HAS3: variants seen among roughly 807,000 people sequenced by gnomAD.
The protein encoded by HAS3 is hyaluronan synthase 3.
Under a neutral mutation model 50.3 loss-of-function variants are expected in HAS3, and 27 were observed. The observed-to-expected ratio is 0.54, with a 90% CI of 0.40 to 0.74. The LOEUF (loss-of-function observed/expected upper bound fraction) is 0.74, where lower values mean the gene tolerates loss of function less well. HAS3 is among the 30% of genes least tolerant of loss of function. HAS3 has a pLI of 0.00. For synonymous variants in HAS3, 339 were observed against 310.9 expected (o/e 1.09, Z -0.95); for missense variants, 517 against 742.8 (o/e 0.70, Z 3.53).
chr16:69,098,059 A>C, the HAS3 span, among the ~76,000 whole-genome samples: 1 of 152,132 alleles, frequency 6.6e-6, no homozygotes, highest in Non-Finnish European at 1.5e-5. Context: ...TCCATGTATG[A>C]TAGAGACTGC....
At position 69,117,152 on chromosome 16, in the gene HAS3, C is replaced by T; in HGVS notation, c.*1886C>T. The T allele has an allele frequency of 1.0e-6, 1 of 985,872 alleles. No individual in the cohort carries two copies. The highest frequency in any genetic ancestry group is 1.1e-4 in the East Asian group (1 of 8,822). The allele number at this position is 985,872 out of a possible 1,614,324, so 61.1% of individuals were successfully genotyped here. ...CTGATCCAGGCAATCGTTCTGCTGG[C>T]CAAGAAGTTAAACTATTTTGAGCAT... On this transcript the variant is annotated 3_prime_UTR_variant, in exon 4 of 4. Coordinates refer to ENST00000569188, the MANE Select transcript of HAS3 (RefSeq NM_001199280.2).
Position 69,117,512 on chromosome 16 carries a change from G to A in HAS3, c.*2246G>A. On this transcript the variant is annotated 3_prime_UTR_variant, in exon 4 of 4. Coordinates refer to ENST00000569188, the MANE Select transcript of HAS3 (RefSeq NM_001199280.2). The stretch of plus-strand genomic sequence containing the variant: ...GGACGCATTTTGGTTTTTCCTCATT[G>A]AGAATTCAAATCCTCTTTTGTATTG... 3.2e-6 allele frequency: 3 copies of A among 950,016 alleles called. No individual in the cohort carries two copies. The highest frequency in any genetic ancestry group is 3.8e-6 in the Non-Finnish European group (3 of 797,836). 58.8% of individuals were successfully genotyped at this position (950,016 alleles called of 1,614,324 possible). A position where few individuals can be genotyped will look rare whatever the true frequency, so the allele number is the denominator to read the frequency against.
At chr16:69,105,899 G>A (rs772899269) in intron 1 of HAS3, 112 bp downstream of exon 1, 2 of 152,276 alleles carry the variant, frequency 1.3e-5, no homozygotes, top group Non-Finnish European at 2.9e-5. Flanking sequence ...CAGGTTCTAG[G>A]TTGAGCCCAA....
chr16:69,117,413 T>G lies in HAS3; in HGVS notation c.*2147T>G. The G allele has an allele frequency of 1.0e-6, 1 of 985,822 alleles. No homozygotes were observed. Among genetic ancestry groups the G allele is most frequent in the Non-Finnish European group, 1.2e-6 (1 of 829,912 alleles). The allele number at this position is 985,822 out of a possible 1,614,324, so 61.1% of individuals were successfully genotyped here. A position where few individuals can be genotyped will look rare whatever the true frequency, so the allele number is the denominator to read the frequency against. Reference sequence around the variant, plus strand: ...GGTTTTTCTAAGTTATTTTGTACATTTTTCAGCAGCAAAACCAAACTGGGT... The same window carrying G: ...GGTTTTTCTAAGTTATTTTGTACATGTTTCAGCAGCAAAACCAAACTGGGT... On this transcript the variant is annotated 3_prime_UTR_variant, in exon 4 of 4. Coordinates refer to ENST00000569188, the MANE Select transcript of HAS3 (RefSeq NM_001199280.2).
chr16:69,100,488 T>C, the HAS3 span, among the ~76,000 whole-genome samples: 1 of 152,164 alleles, frequency 6.6e-6, no homozygotes, highest in South Asian at 2.1e-4. Flanking sequence ...CCATCCTCCA[T>C]TCTGTTTTGC....
chr16:69,092,029 A>C, the HAS3 span, among the ~76,000 whole-genome samples: 10 of 152,338 alleles, frequency 6.6e-5, no homozygotes, highest in African/African-American at 2.2e-4. Context: ...TAAAAAGCTT[A>C]TTATGCCCTT....
the HAS3 span, among the ~76,000 whole-genome samples, chr16:69,090,198 G>A: frequency 2.0e-5 from 3 of 152,106 alleles, no homozygotes; most frequent in African/African-American, 7.2e-5. Flanking sequence ...ATCCCAACAC[G>A]TGGGGCCCAC....
At position 69,117,378 on chromosome 16, in the gene HAS3, G is replaced by A; in HGVS notation, c.*2112G>A. 1 of 985,796 alleles carries A rather than the reference G, an allele frequency of 1.0e-6. No individual in the cohort carries two copies. The highest frequency in any genetic ancestry group is 1.2e-6 in the Non-Finnish European group (1 of 829,894). 61.1% of individuals were successfully genotyped at this position (985,796 alleles called of 1,614,324 possible). A position where few individuals can be genotyped will look rare whatever the true frequency, so the allele number is the denominator to read the frequency against. The stretch of plus-strand genomic sequence containing the variant: ...TACAGGTAGTGGGCTCACAACGTTT[G>A]ACCTCGACTGGTTTTTCTAAGTTAT... On this transcript the variant is annotated 3_prime_UTR_variant, in exon 4 of 4. Transcript: ENST00000569188.
At chr16:69,101,034 C>G (rs1229399416), upstream of HAS3, among the ~76,000 whole-genome samples, 1 of 152,204 alleles carries the variant, frequency 6.6e-6, no homozygotes, top group Non-Finnish European at 1.5e-5. Context: ...TGCCTCCTAA[C>G]AGATCTCCCA....
rs562031446 is a variant in HAS3, at chr16:69,110,975, C to T, written c.636+944C>T. 5.2e-4 allele frequency among the ~76,000 whole-genome samples: 79 copies of T among 152,074 alleles called. 3 individuals are homozygous for T. In the South Asian group the frequency reaches 0.014, roughly 27 times the overall value. On this transcript the variant is annotated intron_variant, in intron 2 of 3. Transcript: ENST00000569188. ...CATTTTGTAGGAGCATCGGCAGGGGCGGGACCCTGATTAAACCCTGCCCAG... is the reference window on the plus strand; with the variant it reads ...CATTTTGTAGGAGCATCGGCAGGGGTGGGACCCTGATTAAACCCTGCCCAG...
rs1960843961 is a variant in HAS3 at position 69,107,509 on chromosome 16, GCGAGGCT to G, written c.-1+1727_-1+1733del. On this transcript the variant is annotated intron_variant, in intron 1 of 3. Coordinates refer to ENST00000569188, the MANE Select transcript of HAS3 (RefSeq NM_001199280.2). The surrounding 1 kb of genome is among the most constrained non-coding windows in gnomAD (Gnocchi z 5.5). ...TGGCCGGCGCCGCCTTTGCCAAGAG[GCGAGGCT>G]CGAGCGGGGATGAGAAGCGTGGCGA... 3 of 984,458 alleles carry G rather than the reference GCGAGGCT, an allele frequency of 3.0e-6. No individual in the cohort carries two copies. Among genetic ancestry groups the G allele is most frequent in the South Asian group, 4.7e-5 (1 of 21,300 alleles). The allele number at this position is 984,458 out of a possible 1,614,324, so 61.0% of individuals were successfully genotyped here. A position where few individuals can be genotyped will look rare whatever the true frequency, so the allele number is the denominator to read the frequency against.
At chr16:69,110,324 G>A (rs530400607) in intron 2 of HAS3, among the ~76,000 whole-genome samples, 47 of 152,246 alleles carry the variant, frequency 3.1e-4, no homozygotes, top group African/African-American at 1.1e-3. Context: ...GGTGGCAGGC[G>A]CCTGTAGTCC....
At position 69,116,391 on chromosome 16, in the gene HAS3, T is replaced by A; in HGVS notation, c.*1125T>A. On this transcript the variant is annotated 3_prime_UTR_variant, in exon 4 of 4. Coordinates refer to ENST00000569188, the MANE Select transcript of HAS3 (RefSeq NM_001199280.2). ...ATCAAATTGGCTACAATCTTGGAGC[T>A]GCTTGGACGGATTCCTTGGCAGCCG... The A allele has an allele frequency of 1.0e-6, 1 of 985,920 alleles. No individual in the cohort carries two copies. Among genetic ancestry groups the A allele is most frequent in the Non-Finnish European group, 1.2e-6 (1 of 829,928 alleles). The allele number at this position is 985,920 out of a possible 1,614,324, so 61.1% of individuals were successfully genotyped here.
In HAS3 at chr16:69,114,865, A is replaced by G. The variant is rs1961128864; in HGVS notation, c.1261A>G (p.Ile421Val). Residue 421 changes from isoleucine (I) to valine (V), a missense_variant, in exon 4 of 4, where the codon ATT becomes GTT. Coordinates refer to ENST00000569188, the MANE Select transcript of HAS3 (RefSeq NM_001199280.2). This position sits in a 1 kb window ranked among gnomAD's most constrained non-coding sequence, Gnocchi z 6.4. ...LFLLTVQLVG[I>V]IKATYACFLR... Reference sequence around the variant, plus strand: ...CCTGCTGACGGTGCAGCTGGTGGGCATTATCAAGGCCACCTACGCCTGCTT... The same window carrying G: ...CCTGCTGACGGTGCAGCTGGTGGGCGTTATCAAGGCCACCTACGCCTGCTT... 5 of 1,614,018 alleles carry G rather than the reference A, an allele frequency of 3.1e-6. No homozygotes were observed. Among genetic ancestry groups the G allele is most frequent in the Non-Finnish European group, 4.2e-6 (5 of 1,179,984 alleles).
upstream of HAS3, among the ~76,000 whole-genome samples, chr16:69,104,985 T>G (rs1110548): frequency 0.026 from 3,711 of 143,160 alleles, 176 homozygotes; most frequent in African/African-American, 0.089. Flanking sequence ...GTAAACTCTG[T>G]TTTTTGGTTT....
At position 69,115,523 on chromosome 16, in the gene HAS3, C is replaced by T. The variant is rs1350433759; in HGVS notation, c.*257C>T. 10 of 1,206,680 alleles carry T rather than the reference C, an allele frequency of 8.3e-6. No homozygotes were observed. The highest frequency in any genetic ancestry group is 3.7e-5 in the South Asian group (1 of 26,676). The allele number at this position is 1,206,680 out of a possible 1,614,324, so 74.7% of individuals were successfully genotyped here. A position where few individuals can be genotyped will look rare whatever the true frequency, so the allele number is the denominator to read the frequency against. Reference sequence around the variant, plus strand: ...GACTGCCTGTCTGCTTGCATCTGCACATAGGCAGTAGCCTCCTCCTGGGCT... The same window carrying T: ...GACTGCCTGTCTGCTTGCATCTGCATATAGGCAGTAGCCTCCTCCTGGGCT... On this transcript the variant is annotated 3_prime_UTR_variant, in exon 4 of 4. Coordinates refer to ENST00000569188, the MANE Select transcript of HAS3 (RefSeq NM_001199280.2).
chr16:69,115,581 G>A lies in HAS3; in HGVS notation c.*315G>A. ...GCACTCAGAAGTTGTGCTAAACCAA[G>A]TTAAGTCCCATTCAGTGGCAACTTG... On this transcript the variant is annotated 3_prime_UTR_variant, in exon 4 of 4. Transcript: ENST00000569188. 9.3e-7 allele frequency: 1 copy of A among 1,077,692 alleles called. No homozygotes were observed. Among genetic ancestry groups the A allele is most frequent in the South Asian group, 4.3e-5 (1 of 23,070 alleles). The allele number at this position is 1,077,692 out of a possible 1,614,324, so 66.8% of individuals were successfully genotyped here. A position where few individuals can be genotyped will look rare whatever the true frequency, so the allele number is the denominator to read the frequency against.
rs1315088061 is a variant in HAS3, at chr16:69,106,369, C to T, written c.-1+582C>T. 1 of 147,252 alleles carries T rather than the reference C, an allele frequency of 6.8e-6. No individual in the cohort carries two copies. The highest frequency in any genetic ancestry group is 1.5e-5 in the Non-Finnish European group (1 of 66,112). 9.1% of individuals were successfully genotyped at this position (147,252 alleles called of 1,614,324 possible). On this transcript the variant is annotated intron_variant, in intron 1 of 3. Coordinates refer to ENST00000569188, the MANE Select transcript of HAS3 (RefSeq NM_001199280.2). This position sits in a 1 kb window ranked among gnomAD's most constrained non-coding sequence, Gnocchi z 5.5. ...AGGGGAGGGCCGCGCGGGGCTGCGCCGAGGCCGGGGCGCGCCGGGTGGCAG... is the reference window on the plus strand; with the variant it reads ...AGGGGAGGGCCGCGCGGGGCTGCGCTGAGGCCGGGGCGCGCCGGGTGGCAG...
the HAS3 span, among the ~76,000 whole-genome samples, chr16:69,097,948 A>G: frequency 6.6e-6 from 1 of 152,196 alleles, no homozygotes; most frequent in Non-Finnish European, 1.5e-5. Flanking sequence ...CATAAAGGAA[A>G]TCACTCTGGT....
Sources: allele counts gnomAD v4.1 joint callset (sites outside exome capture counted in the v4.1 genomes callset), GRCh38; gene constraint gnomAD v4.1.1; non-coding constraint Gnocchi (gnomAD v3.1); transcripts MANE v1.5; gene names NCBI Gene and HGNC (gene_info 2026-07-23, HGNC 2026-07-21).